PTP4A1: variants seen among roughly 807,000 people sequenced by gnomAD.
PTP4A1 encodes protein tyrosine phosphatase 4A1.
In PTP4A1, 9 loss-of-function variants were observed where a neutral mutation model predicts 20.5. The observed-to-expected ratio is 0.44, with a 90% CI of 0.26 to 0.77. The LOEUF is 0.77. PTP4A1 is among the 30% of genes least tolerant of loss of function. The pLI is 0.19. For synonymous variants in PTP4A1, 78 were observed against 67.4 expected, an observed-to-expected ratio of 1.16 and a Z score of -0.77; for missense variants, 137 against 218.8, an observed-to-expected ratio of 0.63 and a Z score of 2.36.
At chr6:63,522,981 C>T (rs1207846283) in intron 1 of PTP4A1, among the ~76,000 whole-genome samples, 1 of 151,722 alleles carries the variant, frequency 6.6e-6, no homozygotes. Flanking sequence ...TCTCCTGCCA[C>T]AGCCTCCGGA....
chr6:63,538,067 C>T (rs959947743), intron 2 of PTP4A1, among the ~76,000 whole-genome samples: 1 of 152,172 alleles, frequency 6.6e-6, no homozygotes, highest in African/African-American at 2.4e-5. Context: ...AATTATTTTG[C>T]AAAATAGTGG....
At chr6:63,572,111 TCTC>T (rs1777461598), upstream of PTP4A1, 1 of 152,108 alleles carries the variant, frequency 6.6e-6, no homozygotes, top group African/African-American at 2.4e-5. Context: ...AAACTTCGAG[TCTC>T]CTCATGTGAC....
chr6:63,521,790 G>C (rs1244372049), exon 1 of PTP4A1: 6 of 152,124 alleles, frequency 3.9e-5, no homozygotes, highest in South Asian at 2.1e-4. Context: ...AGAATGAACT[G>C]AAATAATCAT....
chr6:63,559,374 GT>G (rs1439677054), intron 3 of PTP4A1, among the ~76,000 whole-genome samples: 1 of 152,092 alleles, frequency 6.6e-6, no homozygotes, highest in Non-Finnish European at 1.5e-5. Flanking sequence ...TGTAAAAACA[GT>G]AAATTTACTT....
At chr6:63,579,188 G>T in intron 4 of PTP4A1, 69 bp from the exon 5 acceptor site, 1 of 1,499,548 alleles carries the variant, frequency 6.7e-7, no homozygotes, top group Non-Finnish European at 9.1e-7. Flanking sequence ...GTTGGGGAAT[G>T]TTTGGAGAAA....
At chr6:63,546,620 C>T (rs981678580) in intron 2 of PTP4A1, among the ~76,000 whole-genome samples, 10 of 152,112 alleles carry the variant, frequency 6.6e-5, no homozygotes, top group East Asian at 1.9e-4. Flanking sequence ...GCAGAATAAA[C>T]GCTCAAACCA....
chr6:63,553,114 G>A (rs1209569537), intron 3 of PTP4A1, among the ~76,000 whole-genome samples: 2 of 152,082 alleles, frequency 1.3e-5, no homozygotes, highest in Non-Finnish European at 2.9e-5. Context: ...TGTGTATATT[G>A]ATTATATTCA....
In PTP4A1 at chr6:63,576,534, T is replaced by G; in HGVS notation, c.-347T>G. On this transcript the variant is annotated 5_prime_UTR_variant, in exon 2 of 6. Coordinates refer to ENST00000626021, the MANE Select transcript of PTP4A1 (RefSeq NM_003463.5). ...ACGACCTCTATGCAGACAAGTGAAC[T>G]GTAGAAACTGATTACTGCTCCACCA... The G allele has an allele frequency of 4.7e-6, 2 of 426,466 alleles. No individual in the cohort carries two copies. Among genetic ancestry groups the G allele is most frequent in the Admixed American group, 4.1e-5 (1 of 24,656 alleles). The allele number at this position is 426,466 out of a possible 1,614,324, so 26.4% of individuals were successfully genotyped here. A position where few individuals can be genotyped will look rare whatever the true frequency, so the allele number is the denominator to read the frequency against.
chr6:63,563,311 A>C (rs1777045847), intron 3 of PTP4A1, among the ~76,000 whole-genome samples: 1 of 152,190 alleles, frequency 6.6e-6, no homozygotes, highest in Non-Finnish European at 1.5e-5. Context: ...CTAGATGTCC[A>C]GGCTTATTTC....
rs142214463 is a variant in PTP4A1, at chr6:63,579,097, A to G, written c.329+69A>G. The G allele has an allele frequency of 6.9e-4, 995 of 1,436,740 alleles. 5 individuals carry two copies. The African/African-American group carries it at 0.012, about 17-fold the overall frequency. 89.0% of individuals were successfully genotyped at this position (1,436,740 alleles called of 1,614,324 possible). Reference sequence around the variant, plus strand: ...TAATGAAAATACAGAAACTTGAAAAATTCTTATAATTTTTTAATATAAAGT... The same window carrying G: ...TAATGAAAATACAGAAACTTGAAAAGTTCTTATAATTTTTTAATATAAAGT... On this transcript the variant is annotated intron_variant, in intron 4 of 5. Transcript: ENST00000626021.
At chr6:63,545,304 A>C (rs1490307641) in intron 2 of PTP4A1, among the ~76,000 whole-genome samples, 1 of 152,096 alleles carries the variant, frequency 6.6e-6, no homozygotes, top group East Asian at 1.9e-4. Context: ...GGCTCAAGAA[A>C]TCTCTGGGCG....
At chr6:63,540,928 C>T (rs190264098) in intron 2 of PTP4A1, among the ~76,000 whole-genome samples, 8 of 150,308 alleles carry the variant, frequency 5.3e-5, no homozygotes, top group Non-Finnish European at 1.0e-4. Flanking sequence ...ACTAGAACCC[C>T]GGGGGCGGAG....
rs536321639 is a variant in PTP4A1, at chr6:63,560,166, C to T, written c.-446+9673C>T. On this transcript the variant is annotated intron_variant, in intron 3 of 3. Transcript: ENST00000639568. ...CAGCCTGGCAAACATGGGGAAACCC[C>T]GTCTCTACTAAAAATACAAAAATTA... Among the ~76,000 whole-genome samples the T allele has an allele frequency of 4.0e-5, 6 of 151,706 alleles. No individual in the cohort carries two copies. The East Asian group carries it at 1.2e-3, about 30-fold the overall frequency.
In PTP4A1 at chr6:63,581,808, T is replaced by C. The variant is rs935079125; in HGVS notation, c.*1634T>C. ...CTCAGTTTTCTCCTTTGCAAATTAATAATTACATACCTTTATAGATTTTGA... is the reference window on the plus strand; with the variant it reads ...CTCAGTTTTCTCCTTTGCAAATTAACAATTACATACCTTTATAGATTTTGA... On this transcript the variant is annotated 3_prime_UTR_variant, in exon 6 of 6. Transcript: ENST00000626021. 2 of 152,200 alleles carry C rather than the reference T, an allele frequency of 1.3e-5. No individual in the cohort carries two copies. The highest frequency in any genetic ancestry group is 2.9e-5 in the Non-Finnish European group (2 of 68,002). 9.4% of individuals were successfully genotyped at this position (152,200 alleles called of 1,614,324 possible).
At chr6:63,552,022 T>C (rs551754443) in intron 3 of PTP4A1, among the ~76,000 whole-genome samples, 1 of 152,236 alleles carries the variant, frequency 6.6e-6, no homozygotes. Flanking sequence ...TGTGTCTTTA[T>C]AGCAGCATGA....
chr6:63,579,693 C>T (rs1021674825), intron 5 of PTP4A1, among the ~76,000 whole-genome samples: 15 of 152,178 alleles, frequency 9.9e-5, no homozygotes, highest in African/African-American at 3.6e-4. Flanking sequence ...CAATACAACA[C>T]ATAGAATATT....
intron 2 of PTP4A1, among the ~76,000 whole-genome samples, chr6:63,538,068 A>G (rs1415518744): frequency 6.6e-6 from 1 of 152,256 alleles, no homozygotes; most frequent in Non-Finnish European, 1.5e-5. Flanking sequence ...ATTATTTTGC[A>G]AAATAGTGGG....
At chr6:63,558,918 G>A (rs562707546) in intron 3 of PTP4A1, among the ~76,000 whole-genome samples, 6 of 152,312 alleles carry the variant, frequency 3.9e-5, no homozygotes, top group Admixed American at 3.3e-4. Flanking sequence ...GTTAGATAAT[G>A]CTCCTAAAGT....
At position 63,580,782 on chromosome 6, in the gene PTP4A1, A is replaced by G. The variant is rs1421633316; in HGVS notation, c.*608A>G. On this transcript the variant is annotated 3_prime_UTR_variant, in exon 6 of 6. Transcript: ENST00000626021. The stretch of plus-strand genomic sequence containing the variant: ...GTGATTATTTTACGTGTTTCCATGT[A>G]TCTCACTTTGTGCTGTATTAAAAAA... 1.3e-5 allele frequency: 2 copies of G among 148,684 alleles called. No homozygotes were observed. The highest frequency in any genetic ancestry group is 3.0e-5 in the Non-Finnish European group (2 of 67,278). The allele number at this position is 148,684 out of a possible 1,614,324, so 9.2% of individuals were successfully genotyped here.
Sources: gnomAD v4.1 joint callset for allele counts (sites outside exome capture counted in the v4.1 genomes callset) on GRCh38, gnomAD v4.1.1 for gene constraint, MANE v1.5 for transcripts, NCBI Gene and HGNC (gene_info 2026-07-23, HGNC 2026-07-21) for gene names.